MRPS35: variants seen among roughly 807,000 people sequenced by gnomAD.
MRPS35 encodes the protein mitochondrial ribosomal protein S35.
Under a neutral mutation model 32.7 loss-of-function variants are expected in MRPS35, and 29 were observed. That is an observed-to-expected ratio of 0.89 (90% CI 0.66 to 1.21). The LOEUF (loss-of-function observed/expected upper bound fraction) is 1.21. Among genes scored for constraint, MRPS35 ranks in the 50% most tolerant of loss-of-function variants. The pLI is 0.00. For synonymous variants in MRPS35, 148 were observed against 139.3 expected, an observed-to-expected ratio of 1.06 and a Z score of -0.44; for missense variants, 373 against 383.8, an observed-to-expected ratio of 0.97 and a Z score of 0.23.
chr12:27,728,393 T>C (rs190710784), intron 5 of MRPS35, among the ~76,000 whole-genome samples: 1 of 152,232 alleles, frequency 6.6e-6, no homozygotes, highest in East Asian at 1.9e-4. Context: ...ACAAATTTGC[T>C]TCATACACAT....
Position 27,735,467 on chromosome 12 carries a change from T to C in MRPS35, c.543T>C (p.Asn181=). The change falls in exon 6 of 8, where the codon AAT becomes AAC. Residue 181 remains asparagine, a synonymous_variant. Coordinates refer to ENST00000081029, the MANE Select transcript of MRPS35 (RefSeq NM_021821.4). ...TTAAGGTAAAGCTTTCCAGTTTGAA[T>C]TTAGATGATCACGCAAAGAAGAAAT... ...VVLRVKLSSL[N]LDDHAKKKLI... 9 of 1,609,684 alleles carry C rather than the reference T, an allele frequency of 5.6e-6. No homozygotes were observed. Among genetic ancestry groups the C allele is most frequent in the Non-Finnish European group, 7.6e-6 (9 of 1,178,230 alleles).
chr12:27,712,503 T>G (rs1264304463), intron 1 of MRPS35, among the ~76,000 whole-genome samples: 1 of 152,138 alleles, frequency 6.6e-6, no homozygotes, highest in Non-Finnish European at 1.5e-5. Flanking sequence ...GTAATCCAAA[T>G]GAGGTGATGG....
chr12:27,738,322 C>T (rs946018893), intron 7 of MRPS35, among the ~76,000 whole-genome samples: 2 of 152,186 alleles, frequency 1.3e-5, no homozygotes, highest in African/African-American at 4.8e-5. Context: ...CGTGCTCCAT[C>T]ACATGAGATC....
chr12:27,714,880 TATTC>T, intron 2 of MRPS35, 60 bp downstream of exon 2: 1 of 1,435,992 alleles, frequency 7.0e-7, no homozygotes, highest in Non-Finnish European at 9.7e-7. Flanking sequence ...ATGAGGCAGA[TATTC>T]ATTATAAGGC....
At chr12:27,725,265 A>T (rs948166128) in intron 5 of MRPS35, among the ~76,000 whole-genome samples, 1 of 152,210 alleles carries the variant, frequency 6.6e-6, no homozygotes, top group Non-Finnish European at 1.5e-5. Flanking sequence ...AGAGATTGTT[A>T]TGTACCAAGA....
intron 7 of MRPS35, among the ~76,000 whole-genome samples, chr12:27,748,438 GGT>G (rs35760106): frequency 0.092 from 13,408 of 145,940 alleles, 669 homozygotes; most frequent in African/African-American, 0.13. Context: ...AAAGAAAAGT[GGT>G]GTGTGTGTGT....
At chr12:27,754,592 C>T (rs919744678) in intron 7 of MRPS35, among the ~76,000 whole-genome samples, 1 of 151,734 alleles carries the variant, frequency 6.6e-6, no homozygotes, top group Non-Finnish European at 1.5e-5. Context: ...CATGGCAAAA[C>T]ACCATCTCTA....
At chr12:27,739,619 T>C (rs2061955703) in intron 7 of MRPS35, among the ~76,000 whole-genome samples, 3 of 152,238 alleles carry the variant, frequency 2.0e-5, no homozygotes, top group Admixed American at 2.0e-4. Context: ...TTAATCTCTT[T>C]CCTACACAAT....
chr12:27,752,575 A>G (rs116756739), intron 7 of MRPS35, among the ~76,000 whole-genome samples: 2,441 of 152,308 alleles, frequency 0.016, 77 homozygotes, highest in African/African-American at 0.054. Context: ...CGCTTTATAA[A>G]ATGTATTTGT....
At chr12:27,735,711 CT>C (rs2061940941) in intron 6 of MRPS35, among the ~76,000 whole-genome samples, 155 bp downstream of exon 6, 1 of 152,144 alleles carries the variant, frequency 6.6e-6, no homozygotes, top group African/African-American at 2.4e-5. Flanking sequence ...TTTTAATATC[CT>C]CACACTGGCC....
chr12:27,735,585 T>C (rs1258299786), intron 6 of MRPS35, 29 bp downstream of exon 6: 1 of 1,510,196 alleles, frequency 6.6e-7, no homozygotes, highest in Admixed American at 1.7e-5. Flanking sequence ...AGCCGACTGG[T>C]CACGTGTGTT....
chr12:27,743,912 A>G (rs1292528931), intron 7 of MRPS35, among the ~76,000 whole-genome samples: 5 of 152,204 alleles, frequency 3.3e-5, no homozygotes, highest in Non-Finnish European at 4.4e-5. Context: ...TGTCTCTATC[A>G]TATTAAGGGT....
chr12:27,729,420 A>G (rs759283563), intron 5 of MRPS35, among the ~76,000 whole-genome samples: 15 of 152,086 alleles, frequency 9.9e-5, no homozygotes, highest in Non-Finnish European at 2.1e-4. Flanking sequence ...TCAAGTAACC[A>G]TAGCTTGTTT....
chr12:27,719,777 C>T (rs758740832), intron 3 of MRPS35, 31 bp from the exon 4 acceptor site: 1 of 1,358,814 alleles, frequency 7.4e-7, no homozygotes. Flanking sequence ...AGACATTTAG[C>T]TAATTTATCT....
chr12:27,723,502 C>A (rs910642191), intron 4 of MRPS35, among the ~76,000 whole-genome samples: 1 of 152,136 alleles, frequency 6.6e-6, no homozygotes, highest in Admixed American at 6.5e-5. Context: ...TTATAAGAAT[C>A]CATTTAAGGG....
chr12:27,749,112 A>T (rs888845830), intron 7 of MRPS35, among the ~76,000 whole-genome samples: 2 of 149,110 alleles, frequency 1.3e-5, no homozygotes, highest in Non-Finnish European at 3.0e-5. Context: ...TTAATGGGCC[A>T]TCTTTGGGTA....
intron 4 of MRPS35, among the ~76,000 whole-genome samples, chr12:27,721,641 G>A (rs1472070470): frequency 2.0e-5 from 3 of 152,158 alleles, no homozygotes; most frequent in African/African-American, 7.2e-5. Flanking sequence ...GGGTAACAAA[G>A]TGAGATCCTG....
At position 27,716,298 on chromosome 12, in the gene MRPS35, C is replaced by T. The variant is rs1487308862; in HGVS notation, c.161C>T (p.Pro54Leu). ...CGATTTTATATTTCTTAGGCACTAC[C>T]TCCTAGGACAGAGAAAATGGCTGTT... ...NERPPRRKAL[P>L]PRTEKMAVDQ... The change falls in exon 3 of 8, where the codon CCT becomes CTT. Residue 54 changes from proline to leucine, a missense_variant. Coordinates refer to ENST00000081029, the MANE Select transcript of MRPS35 (RefSeq NM_021821.4). 6.2e-7 allele frequency: 1 copy of T among 1,600,540 alleles called. No homozygotes were observed.
At chr12:27,717,197 A>G (rs1005511086) in intron 3 of MRPS35, among the ~76,000 whole-genome samples, 1 of 152,064 alleles carries the variant, frequency 6.6e-6, no homozygotes, top group Non-Finnish European at 1.5e-5. Context: ...TATCTTTTCT[A>G]TATTGCATCT....
Sources: gnomAD v4.1 joint callset for allele counts (sites outside exome capture counted in the v4.1 genomes callset) on GRCh38, gnomAD v4.1.1 for gene constraint, MANE v1.5 for transcripts, NCBI Gene and HGNC (gene_info 2026-07-23, HGNC 2026-07-21) for gene names.